DYRK4: variants seen among roughly 807,000 people sequenced by gnomAD.
DYRK4 encodes dual specificity tyrosine phosphorylation regulated kinase 4, also known as dual specificity tyrosine-phosphorylation-regulated kinase 4.
Under a neutral mutation model 68.3 loss-of-function variants are expected in DYRK4, and 64 were observed. The observed-to-expected ratio is 0.94, with a 90% CI of 0.77 to 1.15. The LOEUF (loss-of-function observed/expected upper bound fraction) is 1.15. DYRK4 is among the 50% of genes most tolerant of loss of function. The pLI is 0.00. For synonymous variants in DYRK4, 274 were observed against 289.9 expected, an observed-to-expected ratio of 0.95 and a Z score of 0.56; for missense variants, 740 against 764.7, an observed-to-expected ratio of 0.97 and a Z score of 0.38.
At chr12:4,612,445 C>A in intron 13 of DYRK4, 98 bp from the exon 14 acceptor site, 2 of 1,293,352 alleles carry the variant, frequency 1.5e-6, no homozygotes, top group Middle Eastern at 2.8e-4. Flanking sequence ...GAGATATCAA[C>A]ATAGCTTAAA....
rs1372039331 is a variant in DYRK4, at chr12:4,596,263, A to T, written c.742A>T (p.Lys248Ter). The change falls in exon 7 of 15, where the codon AAA becomes TAA. Residue 248 changes from lysine (K) to a stop codon, truncating the protein, a stop_gained. Transcript: ENST00000543431. LOFTEE classifies it high-confidence loss of function. ...CAAAAACAATGAGCTGGTGGCCCTG[A>T]AAATCATCAGGAACAAGAAGAGGTG... ...DHKNNELVALKIIRNKKRFHQ... is the reference protein window; with the variant it reads ...DHKNNELVAL 1 of 1,614,176 alleles carries T rather than the reference A, an allele frequency of 6.2e-7. No individual in the cohort carries two copies. Among genetic ancestry groups the T allele is most frequent in the Non-Finnish European group, 8.5e-7 (1 of 1,180,026 alleles).
intron 2 of DYRK4, among the ~76,000 whole-genome samples, chr12:4,571,922 C>T (rs929651173): frequency 6.6e-6 from 1 of 152,216 alleles, no homozygotes; most frequent in Non-Finnish European, 1.5e-5. Flanking sequence ...AGGTCAGTGC[C>T]TCCCACAGAC....
chr12:4,588,964 C>T lies in DYRK4; in HGVS notation c.160C>T (p.Gln54Ter). ...TGGAAGTAAACTTTCGGTTCAGATC[C>T]AGAAGCCACCTTCCAATATCAAGAA... ...KVGSKLSVQI[Q>*]KPPSNIKNSR... The change falls in exon 3 of 15, where the codon CAG (glutamine) becomes TAG (stop). Residue 54 changes from glutamine to a stop codon, truncating the protein, a stop_gained. Transcript: ENST00000543431. LOFTEE classifies it high-confidence loss of function. 2 of 1,536,080 alleles carry T rather than the reference C, an allele frequency of 1.3e-6. No individual in the cohort carries two copies. The highest frequency in any genetic ancestry group is 1.7e-6 in the Non-Finnish European group (2 of 1,146,900).
intron 2 of DYRK4, among the ~76,000 whole-genome samples, chr12:4,568,557 T>C (rs1944699538): frequency 6.6e-6 from 1 of 152,106 alleles, no homozygotes; most frequent in Non-Finnish European, 1.5e-5. Flanking sequence ...GGCTAATTTT[T>C]GTATTTTTAG....
chr12:4,610,054 C>T (rs1945200312), intron 12 of DYRK4, 101 bp from the exon 13 acceptor site: 1 of 1,054,498 alleles, frequency 9.5e-7, no homozygotes, highest in Admixed American at 2.8e-5. Context: ...GTGTGTAAGA[C>T]AGAGAGCAAA....
intron 2 of DYRK4, among the ~76,000 whole-genome samples, chr12:4,570,617 G>A (rs1944721680): frequency 6.6e-6 from 1 of 152,104 alleles, no homozygotes; most frequent in South Asian, 2.1e-4. Context: ...AGGGAGCTGT[G>A]GATCTCACCA....
At chr12:4,582,323 A>G (rs1944850906) in intron 2 of DYRK4, among the ~76,000 whole-genome samples, 1 of 152,184 alleles carries the variant, frequency 6.6e-6, no homozygotes, top group African/African-American at 2.4e-5. Context: ...GCGTGCCTGT[A>G]ATCCCAGCTA....
chr12:4,595,664 G>A (rs918507969), intron 6 of DYRK4, among the ~76,000 whole-genome samples: 2 of 152,062 alleles, frequency 1.3e-5, no homozygotes, highest in African/African-American at 4.8e-5. Flanking sequence ...GAGACCTAAC[G>A]CCTTCTCTAA....
chr12:4,599,269 ACTTT>A, intron 9 of DYRK4, 103 bp downstream of exon 9: 1 of 647,130 alleles, frequency 1.5e-6, no homozygotes. Flanking sequence ...ATTGCCTTTG[ACTTT>A]TTTTTTTTTT....
chr12:4,583,319 G>T (rs1372213859), intron 2 of DYRK4, among the ~76,000 whole-genome samples: 1 of 151,578 alleles, frequency 6.6e-6, no homozygotes, highest in Non-Finnish European at 1.5e-5. Context: ...CAGCACTTTT[G>T]CTCCTGCTCT....
intron 10 of DYRK4, chr12:4,602,477 G>T: frequency 7.7e-7 from 1 of 1,299,116 alleles, no homozygotes; most frequent in Non-Finnish European, 1.1e-6. Context: ...ACTTCGATCT[G>T]AGATGGCAGC....
intron 13 of DYRK4, 76 bp downstream of exon 13, chr12:4,610,360 G>A (rs1467053065): frequency 7.2e-7 from 1 of 1,383,036 alleles, no homozygotes; most frequent in Non-Finnish European, 9.6e-7. Context: ...GCTGGTGAAA[G>A]ACTAAGGCTG....
rs779148452 is a variant in DYRK4, at chr12:4,602,593, A to G, written c.1127-2321A>G. ...TGTTGATGAGTGAGTGACAACATCA[A>G]TCTTTGCTGCAGAATCTTCTTTCTT... On this transcript the variant is annotated intron_variant, in intron 10 of 14. Coordinates refer to ENST00000543431, the MANE Select transcript of DYRK4 (RefSeq NM_001394779.1). 89 of 1,324,584 alleles carry G rather than the reference A, an allele frequency of 6.7e-5. No homozygotes were observed. The Middle Eastern group carries it at 1.8e-3, about 27-fold the overall frequency. 82.1% of individuals were successfully genotyped at this position (1,324,584 alleles called of 1,614,324 possible). A position where few individuals can be genotyped will look rare whatever the true frequency, so the allele number is the denominator to read the frequency against.
At chr12:4,580,334 G>A (rs1944829263) in intron 2 of DYRK4, among the ~76,000 whole-genome samples, 1 of 152,222 alleles carries the variant, frequency 6.6e-6, no homozygotes, top group African/African-American at 2.4e-5. Context: ...CCACTAATGG[G>A]TCTCAGGGGT....
In DYRK4 at chr12:4,587,748, G is replaced by A. The variant is rs535895885; in HGVS notation, c.133-1189G>A. Among the ~76,000 whole-genome samples the A allele has an allele frequency of 1.8e-4, 27 of 152,310 alleles. No homozygotes were observed. In the South Asian group the frequency reaches 5.6e-3, roughly 32 times the overall value. On this transcript the variant is annotated intron_variant, in intron 2 of 14. Coordinates refer to ENST00000543431, the MANE Select transcript of DYRK4 (RefSeq NM_001394779.1). ...AGGTCAAGATTGACTGTCCCAAATA[G>A]TCCTCATCATTACTGTGCTGTGCAG...
In DYRK4 at chr12:4,588,977, C is replaced by T; in HGVS notation, c.173C>T (p.Ser58Phe). The T allele has an allele frequency of 6.5e-7, 1 of 1,536,096 alleles. No homozygotes were observed. The highest frequency in any genetic ancestry group is 8.7e-7 in the Non-Finnish European group (1 of 1,146,900). The part of the protein sequence containing the change: ...KLSVQIQKPP[S>F]NIKNSRMTQV... The stretch of plus-strand genomic sequence containing the variant: ...TCGGTTCAGATCCAGAAGCCACCTT[C>T]CAATATCAAGAACTCCAGAATGACC... The change falls in exon 3 of 15, where the codon TCC becomes TTC. Residue 58 changes from serine to phenylalanine, a missense_variant. Coordinates refer to ENST00000543431, the MANE Select transcript of DYRK4 (RefSeq NM_001394779.1).
intron 2 of DYRK4, among the ~76,000 whole-genome samples, chr12:4,569,661 A>G (rs1193639593): frequency 1.3e-5 from 2 of 151,948 alleles, no homozygotes; most frequent in South Asian, 2.1e-4. Context: ...GGGTCTCGCT[A>G]TGTTGCCCAG....
chr12:4,590,235 G>T, intron 3 of DYRK4, 95 bp from the exon 4 acceptor site: 17 of 1,453,658 alleles, frequency 1.2e-5, no homozygotes, highest in Non-Finnish European at 1.4e-5. Context: ...GCTCATTCTT[G>T]TTGGGGAATT....
chr12:4,579,451 A>T (rs747953919), intron 2 of DYRK4, among the ~76,000 whole-genome samples: 15 of 152,164 alleles, frequency 9.9e-5, no homozygotes, highest in Non-Finnish European at 2.1e-4. Flanking sequence ...GTACCATTTC[A>T]TGCTTCACTG....
Sources: gnomAD v4.1 joint callset for allele counts (sites outside exome capture counted in the v4.1 genomes callset) on GRCh38, gnomAD v4.1.1 for gene constraint, MANE v1.5 for transcripts, NCBI Gene and HGNC (gene_info 2026-07-23, HGNC 2026-07-21) for gene names.